Variants in NAT1 observed in about 807,000 individuals in gnomAD.
NAT1 encodes N-acetyltransferase 1.
For synonymous variants in NAT1, 144 were observed against 122.6 expected (o/e 1.17, Z -1.16); for missense variants, 400 against 339.2 (o/e 1.18, Z -1.41).
intron 2 of NAT1, among the ~76,000 whole-genome samples, chr8:18,174,834 CT>C: frequency 6.6e-6 from 1 of 152,158 alleles, no homozygotes; most frequent in East Asian, 1.9e-4. Flanking sequence ...CTCTATAACC[CT>C]TTTACCTCCC....
At chr8:18,186,895 G>A (rs1026242421) in intron 2 of NAT1, among the ~76,000 whole-genome samples, 15 of 152,154 alleles carry the variant, frequency 9.9e-5, no homozygotes, top group African/African-American at 3.1e-4. Context: ...TGCAAGGAGA[G>A]CAGAAGAAAC....
intron 2 of NAT1, among the ~76,000 whole-genome samples, chr8:18,176,860 A>G (rs1802315175): frequency 6.6e-6 from 1 of 152,048 alleles, no homozygotes; most frequent in South Asian, 2.1e-4. Context: ...AACACAGAAT[A>G]TCTTTCCATT....
In NAT1 at chr8:18,222,555, A is replaced by C; in HGVS notation, c.508A>C (p.Ile170Leu). The change falls in exon 3 of 3, where the codon ATT (isoleucine) becomes CTT (leucine). Residue 170 changes from isoleucine to leucine, a missense_variant. Ile to Leu is a conservative substitution (Grantham distance 5). Transcript: ENST00000307719. ...YLDQIRREQY[I>L]PNEEFLHSDL... ...AGACCAAATCAGAAGGGAACAGTAC[A>C]TTCCAAATGAAGAATTTCTTCATTC... The C allele has an allele frequency of 1.2e-6, 2 of 1,614,118 alleles. No homozygotes were observed. The highest frequency in any genetic ancestry group is 1.3e-5 in the African/African-American group (1 of 75,058).
At position 18,174,981 on chromosome 8, in the gene NAT1, T is replaced by C. The variant is rs151054576; in HGVS notation, n.92+4242T>C. On this transcript the variant is annotated intron_variant and non_coding_transcript_variant, in intron 2 of 4. Coordinates refer to the NAT1 transcript ENST00000517441. ...AAGTATGTACAACGCTGTGTTGATC[T>C]TCTTATATTCCTGCTGCCTGGTTTT... is the stretch of plus-strand genomic sequence containing the variant. Among the ~76,000 whole-genome samples the C allele has an allele frequency of 1.9e-4, 29 of 152,290 alleles. No individual in the cohort carries two copies. In the East Asian group the frequency reaches 5.4e-3, roughly 28 times the overall value.
intron 2 of NAT1, among the ~76,000 whole-genome samples, chr8:18,177,910 T>C (rs999514623): frequency 2.0e-5 from 3 of 152,090 alleles, no homozygotes; most frequent in Non-Finnish European, 2.9e-5. Flanking sequence ...AGTTTTGAGG[T>C]TATCTTAGCT....
upstream of NAT1, among the ~76,000 whole-genome samples, chr8:18,206,164 G>A (rs987036363): frequency 6.6e-6 from 1 of 152,176 alleles, no homozygotes; most frequent in East Asian, 1.9e-4. Flanking sequence ...CCAGAGACTC[G>A]TGGTGAAAGT....
intron 2 of NAT1, among the ~76,000 whole-genome samples, chr8:18,176,522 G>A (rs573755368): frequency 2.6e-5 from 4 of 151,798 alleles, no homozygotes; most frequent in Non-Finnish European, 4.4e-5. Flanking sequence ...TAAACACTTC[G>A]GGTTATTTCT....
chr8:18,197,729 T>C (rs1208096031), intron 2 of NAT1, among the ~76,000 whole-genome samples: 1 of 152,178 alleles, frequency 6.6e-6, no homozygotes, highest in African/African-American at 2.4e-5. Flanking sequence ...GGCACCCTAA[T>C]CTCAGTTTAG....
chr8:18,216,844 A>C, intron 1 of NAT1: 1 of 1,318,082 alleles, frequency 7.6e-7, no homozygotes, highest in Admixed American at 2.1e-5. Context: ...GTAAGGGGGA[A>C]CTCATAAGAA....
intron 2 of NAT1, among the ~76,000 whole-genome samples, chr8:18,220,187 C>A (rs996498626): frequency 6.6e-6 from 1 of 151,966 alleles, no homozygotes. Context: ...CCAAATGTTA[C>A]GAAAGGGTGC....
intron 2 of NAT1, among the ~76,000 whole-genome samples, chr8:18,192,998 A>T (rs1307663579): frequency 6.6e-6 from 1 of 151,724 alleles, no homozygotes; most frequent in Non-Finnish European, 1.5e-5. Flanking sequence ...AATAATAATA[A>T]AAAATAAAAT....
chr8:18,189,009 A>AAAAAAAAAAAAG (rs1329509282), intron 2 of NAT1, among the ~76,000 whole-genome samples: 1 of 149,144 alleles, frequency 6.7e-6, no homozygotes, highest in Non-Finnish European at 1.5e-5. Flanking sequence ...AAAAAAAAAA[A>AAAAAAAAAAAAG]AAAGAAAGAA....
chr8:18,177,880 G>A (rs1802349866), intron 2 of NAT1, among the ~76,000 whole-genome samples: 2 of 152,084 alleles, frequency 1.3e-5, no homozygotes, highest in African/African-American at 4.8e-5. Flanking sequence ...TTTATTTAAT[G>A]TAGCCTTAAG....
chr8:18,194,126 A>G (rs1298845123), intron 2 of NAT1, among the ~76,000 whole-genome samples: 4 of 152,108 alleles, frequency 2.6e-5, no homozygotes, highest in Non-Finnish European at 2.9e-5. Context: ...GGACAACCGG[A>G]TGGCCAGCCT....
intron 2 of NAT1, among the ~76,000 whole-genome samples, chr8:18,184,770 A>T (rs1802666236): frequency 6.6e-6 from 1 of 152,178 alleles, no homozygotes; most frequent in South Asian, 2.1e-4. Flanking sequence ...AGCTTTCAAG[A>T]GTGGGCTTTC....
chr8:18,211,005 G>T (rs578195230), intron 1 of NAT1, among the ~76,000 whole-genome samples: 10 of 152,150 alleles, frequency 6.6e-5, no homozygotes, highest in African/African-American at 2.2e-4. Context: ...GGGTTTCACC[G>T]TCTTGGCTAG....
At chr8:18,194,310 T>G (rs1265924098) in intron 2 of NAT1, among the ~76,000 whole-genome samples, 1 of 152,168 alleles carries the variant, frequency 6.6e-6, no homozygotes, top group Non-Finnish European at 1.5e-5. Context: ...GAGGGTGAGG[T>G]GGCATAGCCT....
At chr8:18,217,353 C>T (rs1380178394) in intron 1 of NAT1, among the ~76,000 whole-genome samples, 1 of 152,252 alleles carries the variant, frequency 6.6e-6, no homozygotes, top group African/African-American at 2.4e-5. Flanking sequence ...TACTTAACTT[C>T]CGGTAAGCAC....
intron 1 of NAT1, among the ~76,000 whole-genome samples, chr8:18,214,117 C>T (rs979086941): frequency 4.6e-5 from 7 of 152,124 alleles, no homozygotes; most frequent in Admixed American, 2.6e-4. Context: ...CCGGCCCTAA[C>T]GTCATATTTC....
Sources: allele counts gnomAD v4.1 joint callset (sites outside exome capture counted in the v4.1 genomes callset), GRCh38; gene constraint gnomAD v4.1.1; transcripts MANE v1.5; gene names NCBI Gene and HGNC (gene_info 2026-07-23, HGNC 2026-07-21).